Variants in CSNK2A2IP observed in about 807,000 individuals in gnomAD.
CSNK2A2IP encodes the protein casein kinase 2 subunit alpha' interacting protein, also known as casein kinase II subunit alpha'-interacting protein.
chr3:88,383,992 C>T, the CSNK2A2IP span, among the ~76,000 whole-genome samples: 8 of 151,978 alleles, frequency 5.3e-5, no homozygotes, highest in Non-Finnish European at 1.0e-4. Context: ...TGCTTTTGAC[C>T]CTGCCGATTG....
At chr3:88,359,115 G>T in the CSNK2A2IP span, among the ~76,000 whole-genome samples, 12 of 151,020 alleles carry the variant, frequency 7.9e-5, no homozygotes, top group African/African-American at 2.9e-4. Context: ...TTTCAGATTC[G>T]TATTTTTCAT....
the CSNK2A2IP span, among the ~76,000 whole-genome samples, chr3:88,439,778 C>T: frequency 6.6e-6 from 1 of 150,686 alleles, no homozygotes; most frequent in African/African-American, 2.4e-5. Context: ...GTTATCTCTA[C>T]CAATAATTGC....
At chr3:88,456,241 G>A in the CSNK2A2IP span, among the ~76,000 whole-genome samples, 1 of 152,004 alleles carries the variant, frequency 6.6e-6, no homozygotes, top group South Asian at 2.1e-4. Context: ...AATGCTATTG[G>A]AATTTTGATA....
chr3:88,461,993 A>G, the CSNK2A2IP span, among the ~76,000 whole-genome samples: 34 of 151,656 alleles, frequency 2.2e-4, no homozygotes, highest in Admixed American at 1.8e-3. Flanking sequence ...TTTTTTTCAT[A>G]TATGTGTTAG....
chr3:88,348,601 G>A, the CSNK2A2IP span, among the ~76,000 whole-genome samples: 1 of 152,132 alleles, frequency 6.6e-6, no homozygotes, highest in East Asian at 1.9e-4. Context: ...AAAGAGTAGT[G>A]AGAACATTCA....
At chr3:88,350,659 G>A in the CSNK2A2IP span, among the ~76,000 whole-genome samples, 19 of 150,104 alleles carry the variant, frequency 1.3e-4, no homozygotes, top group Middle Eastern at 3.5e-3. Context: ...AAAGAGAAGC[G>A]TATCAGACTA....
chr3:88,356,422 A>T, the CSNK2A2IP span, among the ~76,000 whole-genome samples: 1 of 152,082 alleles, frequency 6.6e-6, no homozygotes, highest in African/African-American at 2.4e-5. Flanking sequence ...GCTGCAAATG[A>T]CAGTATTTCA....
the CSNK2A2IP span, among the ~76,000 whole-genome samples, chr3:88,426,875 G>T: frequency 8.0e-6 from 1 of 124,660 alleles, no homozygotes; most frequent in African/African-American, 2.8e-5. Flanking sequence ...AGAGTAAATT[G>T]GTACCACGGG....
At chr3:88,379,161 C>T in the CSNK2A2IP span, among the ~76,000 whole-genome samples, 6 of 152,046 alleles carry the variant, frequency 3.9e-5, no homozygotes, top group African/African-American at 9.6e-5. Flanking sequence ...AAACCCTGAA[C>T]GTGTTAGCCT....
At chr3:88,454,841 G>A in the CSNK2A2IP span, among the ~76,000 whole-genome samples, 1 of 151,638 alleles carries the variant, frequency 6.6e-6, no homozygotes, top group African/African-American at 2.4e-5. Context: ...CAACTATACG[G>A]TGCATTATTA....
chr3:88,419,111 A>G, the CSNK2A2IP span, among the ~76,000 whole-genome samples: 65 of 152,224 alleles, frequency 4.3e-4, 1 homozygote, highest in East Asian at 0.012. Flanking sequence ...CAGGGCTCCC[A>G]TGAGTCTACA....
chr3:88,391,331 C>G, the CSNK2A2IP span, among the ~76,000 whole-genome samples: 2 of 152,078 alleles, frequency 1.3e-5, no homozygotes, highest in Non-Finnish European at 2.9e-5. Context: ...ATTCCTGCAA[C>G]AAATATTAAC....
At chr3:88,342,946 A>C in the CSNK2A2IP span, among the ~76,000 whole-genome samples, 1 of 151,930 alleles carries the variant, frequency 6.6e-6, no homozygotes, top group African/African-American at 2.4e-5. Context: ...TGAGAAACTG[A>C]ATTTTAAATA....
At chr3:88,365,661 T>G in the CSNK2A2IP span, among the ~76,000 whole-genome samples, 1 of 152,154 alleles carries the variant, frequency 6.6e-6, no homozygotes, top group African/African-American at 2.4e-5. Context: ...TTAATCTTTA[T>G]GCAGTGCCCC....
At chr3:88,409,169 T>G in the CSNK2A2IP span, among the ~76,000 whole-genome samples, 1 of 152,092 alleles carries the variant, frequency 6.6e-6, no homozygotes, top group Non-Finnish European at 1.5e-5. Context: ...GTAGGCAATT[T>G]GATTCCAATT....
chr3:88,353,455 T>G, the CSNK2A2IP span, among the ~76,000 whole-genome samples: 1 of 152,212 alleles, frequency 6.6e-6, no homozygotes, highest in Non-Finnish European at 1.5e-5. Context: ...TGCTCGTGCC[T>G]GACTCTTCAG....
At chr3:88,458,626 T>G in the CSNK2A2IP span, among the ~76,000 whole-genome samples, 1 of 152,180 alleles carries the variant, frequency 6.6e-6, no homozygotes, top group Non-Finnish European at 1.5e-5. Context: ...TCTTCTTTTT[T>G]TTTATTTCTT....
At chr3:88,439,444 A>G in the CSNK2A2IP span, among the ~76,000 whole-genome samples, 1 of 151,942 alleles carries the variant, frequency 6.6e-6, no homozygotes, top group East Asian at 1.9e-4. Flanking sequence ...AGTTACTTTT[A>G]AAGATCATGG....
At chr3:88,352,688 C>T in the CSNK2A2IP span, among the ~76,000 whole-genome samples, 4 of 152,010 alleles carry the variant, frequency 2.6e-5, no homozygotes, top group Admixed American at 1.3e-4. Context: ...TAATGATCCT[C>T]CTGCCTCAGC....
Sources: gnomAD v4.1 joint callset for allele counts (sites outside exome capture counted in the v4.1 genomes callset) on GRCh38, gnomAD v4.1.1 for gene constraint, MANE v1.5 for transcripts, NCBI Gene and HGNC (gene_info 2026-07-23, HGNC 2026-07-21) for gene names.